RGS6: variants seen among roughly 807,000 people sequenced by gnomAD.
RGS6 encodes regulator of G-protein signaling 6.
In RGS6, 30 loss-of-function variants were observed where a neutral mutation model predicts 78.5. The observed-to-expected ratio is 0.38, with a 90% CI of 0.29 to 0.52. The LOEUF is 0.52. Among genes scored for constraint, RGS6 ranks in the 20% least tolerant of loss-of-function variants. The pLI, the probability that RGS6 is intolerant of heterozygous loss-of-function variation, is 0.85. For missense variants in RGS6, 495 were observed against 609.7 expected (o/e 0.81, Z 1.98); for synonymous variants, 206 against 206.0 (o/e 1.00, Z 0.00).
rs142316778 is a variant in RGS6 at position 72,400,903 on chromosome 14, G to A, written c.184+48709G>A. Reference sequence around the variant, plus strand: ...GGAAAGGTTCCCAAGCAGGAGGAGTGAGGAGGAGCCAGGTGGCAGGGCCAG... The same window carrying A: ...GGAAAGGTTCCCAAGCAGGAGGAGTAAGGAGGAGCCAGGTGGCAGGGCCAG... On this transcript the variant is annotated intron_variant, in intron 3 of 17. Coordinates refer to ENST00000553525, the MANE Select transcript of RGS6 (RefSeq NM_001204424.2). Among the ~76,000 whole-genome samples, 328 of 150,904 alleles carry A rather than the reference G, an allele frequency of 2.2e-3. 2 individuals carry two copies. Among genetic ancestry groups the A allele is most frequent in the African/African-American group, 7.6e-3 (310 of 40,658 alleles).
At chr14:71,934,911 TA>T (rs139812978) in intron 1 of RGS6, among the ~76,000 whole-genome samples, 2,783 of 152,320 alleles carry the variant, frequency 0.018, 84 homozygotes, top group African/African-American at 0.061. Flanking sequence ...GGGGATGGAA[TA>T]AGGAGCTGTG....
At chr14:72,321,769 A>T (rs1327233755) in intron 2 of RGS6, among the ~76,000 whole-genome samples, 1 of 152,022 alleles carries the variant, frequency 6.6e-6, no homozygotes, top group African/African-American at 2.4e-5. Flanking sequence ...GACAAAATAG[A>T]CCCAAAAGAT....
At chr14:72,264,451 A>C (rs1169594992) in intron 2 of RGS6, among the ~76,000 whole-genome samples, 1 of 152,218 alleles carries the variant, frequency 6.6e-6, no homozygotes, top group Non-Finnish European at 1.5e-5. Context: ...TATAAAATTA[A>C]ACATTTTTAT....
rs969035399 is a variant in RGS6 at position 71,997,341 on chromosome 14, A to G, written c.84+32466A>G. 2.0e-5 allele frequency among the ~76,000 whole-genome samples: 3 copies of G among 152,300 alleles called. No homozygotes were observed. The East Asian group carries it at 5.8e-4, about 29-fold the overall frequency. On this transcript the variant is annotated intron_variant, in intron 2 of 17. Coordinates refer to ENST00000553525, the MANE Select transcript of RGS6 (RefSeq NM_001204424.2). ...GATGCCTGTGGGAAGTCCAGAGCGC[A>G]GTTGTATACAGCAGGCTTCACCTCC...
At chr14:72,367,473 G>A (rs7158564) in intron 3 of RGS6, among the ~76,000 whole-genome samples, 19,604 of 151,876 alleles carry the variant, frequency 0.13, 1,484 homozygotes, top group African/African-American at 0.2. Flanking sequence ...AAACCTACCA[G>A]CCTCCTCTTG....
chr14:72,304,647 C>T (rs1384747944), intron 2 of RGS6, among the ~76,000 whole-genome samples: 1 of 152,030 alleles, frequency 6.6e-6, no homozygotes, highest in Non-Finnish European at 1.5e-5. Flanking sequence ...GAGGCCAAGG[C>T]GGGAGTGGAT....
intron 3 of RGS6, among the ~76,000 whole-genome samples, chr14:72,353,644 A>G (rs1337115996): frequency 1.3e-5 from 2 of 152,162 alleles, no homozygotes; most frequent in Admixed American, 6.5e-5. Context: ...ACAGTTCTGT[A>G]TACTGATTAT....
chr14:72,392,640 A>G (rs2090277015), intron 3 of RGS6, among the ~76,000 whole-genome samples: 1 of 152,190 alleles, frequency 6.6e-6, no homozygotes, highest in African/African-American at 2.4e-5. Flanking sequence ...GCCTCCTCTG[A>G]ATCTCACATG....
At chr14:72,477,748 GATC>G (rs2096273641) in intron 11 of RGS6, among the ~76,000 whole-genome samples, 1 of 148,630 alleles carries the variant, frequency 6.7e-6, no homozygotes, top group Admixed American at 6.8e-5. Flanking sequence ...AGTGAGCTGA[GATC>G]ATGCCGCTGC....
At chr14:72,514,628 G>A (rs959271752) in intron 14 of RGS6, among the ~76,000 whole-genome samples, 2 of 152,224 alleles carry the variant, frequency 1.3e-5, no homozygotes, top group Non-Finnish European at 2.9e-5. Flanking sequence ...CCGCACAGGG[G>A]CTGCCTCCCT....
intron 3 of RGS6, among the ~76,000 whole-genome samples, chr14:72,360,095 T>A (rs1440953671): frequency 2.0e-5 from 3 of 150,586 alleles, no homozygotes; most frequent in African/African-American, 7.3e-5. Context: ...TCAGTGGGGG[T>A]GGGGGAGATG....
At chr14:72,478,351 TTAC>T in intron 12 of RGS6, 22 bp downstream of exon 12, 1 of 1,500,240 alleles carries the variant, frequency 6.7e-7, no homozygotes, top group Non-Finnish European at 9.3e-7. Context: ...TTTAATAATA[TTAC>T]TACTTTCTTC....
chr14:72,032,672 T>C (rs1196144674), intron 2 of RGS6, among the ~76,000 whole-genome samples: 2 of 152,128 alleles, frequency 1.3e-5, no homozygotes, highest in East Asian at 3.8e-4. Flanking sequence ...TTCGACTACT[T>C]AAGTATACCT....
chr14:72,539,268 T>G (rs1428126157), intron 16 of RGS6, among the ~76,000 whole-genome samples: 2 of 152,186 alleles, frequency 1.3e-5, no homozygotes, highest in African/African-American at 4.8e-5. Context: ...CCACAATGGT[T>G]TCTGAGCTTC....
chr14:72,553,592 G>T (rs2097534654), intron 17 of RGS6, among the ~76,000 whole-genome samples: 1 of 152,218 alleles, frequency 6.6e-6, no homozygotes, highest in African/African-American at 2.4e-5. Flanking sequence ...AGGAGCTGAG[G>T]GGTCCAGAAA....
At chr14:72,490,499 G>A (rs1208398829) in intron 12 of RGS6, among the ~76,000 whole-genome samples, 2 of 152,206 alleles carry the variant, frequency 1.3e-5, no homozygotes, top group Non-Finnish European at 2.9e-5. Flanking sequence ...CAGAGGATGT[G>A]CCTCTAGTGT....
downstream of RGS6, among the ~76,000 whole-genome samples, chr14:72,568,790 C>T (rs184596689): frequency 2.0e-5 from 3 of 152,236 alleles, no homozygotes; most frequent in Admixed American, 1.3e-4. Context: ...AGGCCAGTGA[C>T]TCTGCCCTCT....
intron 2 of RGS6, among the ~76,000 whole-genome samples, chr14:72,183,432 G>A (rs535414861): frequency 1.3e-5 from 2 of 152,294 alleles, no homozygotes; most frequent in African/African-American, 4.8e-5. Flanking sequence ...TACTTATATT[G>A]TAGGTCTATA....
chr14:72,446,846 G>A (rs1251907162), intron 3 of RGS6, among the ~76,000 whole-genome samples: 1 of 152,148 alleles, frequency 6.6e-6, no homozygotes, highest in Admixed American at 6.5e-5. Flanking sequence ...TCATGCTCCT[G>A]TGAGAATCTA....
Sources: allele counts gnomAD v4.1 joint callset (sites outside exome capture counted in the v4.1 genomes callset), GRCh38; gene constraint gnomAD v4.1.1; transcripts MANE v1.5; gene names NCBI Gene and HGNC (gene_info 2026-07-23, HGNC 2026-07-21).